RNF168: variants seen among roughly 807,000 people sequenced by gnomAD.
RNF168 encodes E3 ubiquitin-protein ligase RNF168.
Under a neutral mutation model 34.9 loss-of-function variants are expected in RNF168, and 34 were observed. That is an observed-to-expected ratio of 0.97 (90% confidence interval 0.74 to 1.30). RNF168 has a LOEUF of 1.30. RNF168 is among the 50% of genes most tolerant of loss of function. RNF168 has a pLI of 0.00. For synonymous variants in RNF168, 264 were observed against 254.7 expected (o/e 1.04, Z -0.35); for missense variants, 725 against 682.5 (o/e 1.06, Z -0.69).
In RNF168 at chr3:196,471,597, C is replaced by T. The variant is rs1732008289; in HGVS notation, c.*222G>A. On this transcript the variant is annotated 3_prime_UTR_variant, in exon 6 of 6. Transcript: ENST00000318037. ...TCTAAGAATTGTAAAGCTTAATACACATCTGTTATTAAGAAGGGAAACGAC... is the reference window on the plus strand; with the variant it reads ...TCTAAGAATTGTAAAGCTTAATACATATCTGTTATTAAGAAGGGAAACGAC... 5.5e-6 allele frequency: 3 copies of T among 547,494 alleles called. No individual in the cohort carries two copies. The highest frequency in any genetic ancestry group is 3.8e-5 in the African/African-American group (2 of 52,954). 33.9% of individuals were successfully genotyped at this position (547,494 alleles called of 1,614,324 possible). A position where few individuals can be genotyped will look rare whatever the true frequency, so the allele number is the denominator to read the frequency against.
intron 4 of RNF168, among the ~76,000 whole-genome samples, chr3:196,482,919 G>A: frequency 6.6e-6 from 1 of 151,826 alleles, no homozygotes; most frequent in East Asian, 1.9e-4. Context: ...AGTTTTTCTT[G>A]TATCTCTGGT....
Position 196,471,526 on chromosome 3 carries a change from A to C in RNF168, c.*293T>G, listed in dbSNP as rs977354085. On this transcript the variant is annotated 3_prime_UTR_variant, in exon 6 of 6. Transcript: ENST00000318037. ...TAAAACATGCAGTTTTTGGAAAGAC[A>C]ATGGCACTTGAAGATTTCCTGGAGT... The C allele has an allele frequency of 2.8e-6, 1 of 358,376 alleles. No homozygotes were observed. The highest frequency in any genetic ancestry group is 3.4e-5 in the South Asian group (1 of 29,032). 22.2% of individuals were successfully genotyped at this position (358,376 alleles called of 1,614,324 possible). A position where few individuals can be genotyped will look rare whatever the true frequency, so the allele number is the denominator to read the frequency against.
intron 1 of RNF168, among the ~76,000 whole-genome samples, chr3:196,493,152 A>C (rs936370519): frequency 6.6e-6 from 1 of 152,216 alleles, no homozygotes; most frequent in Non-Finnish European, 1.5e-5. Context: ...GAACTTCCAC[A>C]GATCAATTAA....
In RNF168 at chr3:196,470,637, G is replaced by A. The variant is rs1160158398; in HGVS notation, c.*1182C>T. Reference sequence around the variant, plus strand: ...TCCAGCCTCAGCCTCATCCTCGTCTGGACCCGTTTCTGACGACCTAATCAG... The same window carrying A: ...TCCAGCCTCAGCCTCATCCTCGTCTAGACCCGTTTCTGACGACCTAATCAG... On this transcript the variant is annotated 3_prime_UTR_variant, in exon 6 of 6. Transcript: ENST00000318037. 6.6e-6 allele frequency: 1 copy of A among 151,092 alleles called. No individual in the cohort carries two copies. Among genetic ancestry groups the A allele is most frequent in the Non-Finnish European group, 1.5e-5 (1 of 68,484 alleles). The allele number at this position is 151,092 out of a possible 1,614,324, so 9.4% of individuals were successfully genotyped here. A position where few individuals can be genotyped will look rare whatever the true frequency, so the allele number is the denominator to read the frequency against.
rs907348799 is a variant in RNF168 at position 196,503,508 on chromosome 3, G to T, written c.-335C>A. 1.0e-5 allele frequency: 4 copies of T among 383,098 alleles called. No homozygotes were observed. The highest frequency in any genetic ancestry group is 6.3e-5 in the African/African-American group (3 of 47,896). The allele number at this position is 383,098 out of a possible 1,614,324, so 23.7% of individuals were successfully genotyped here. On this transcript the variant is annotated 5_prime_UTR_variant, in exon 1 of 6. Coordinates refer to ENST00000318037, the MANE Select transcript of RNF168 (RefSeq NM_152617.4). ...GCTCCCGGGGCAGCGAGGGGAACGCGCCAAGTCCTCTCCTCCCCTCACCCG... is the reference window on the plus strand; with the variant it reads ...GCTCCCGGGGCAGCGAGGGGAACGCTCCAAGTCCTCTCCTCCCCTCACCCG...
chr3:196,498,896 G>C (rs535615064), intron 1 of RNF168, among the ~76,000 whole-genome samples: 1 of 152,136 alleles, frequency 6.6e-6, no homozygotes, highest in East Asian at 1.9e-4. Context: ...TTAGGAGGCT[G>C]AGGCAGGAGA....
rs764963260 is a variant in RNF168 at position 196,487,400 on chromosome 3, A to G, written c.557T>C (p.Ile186Thr). Residue 186 changes from isoleucine to threonine, a missense_variant and splice_region_variant, in exon 3 of 6, where the codon ATT (isoleucine) becomes ACT (threonine). Ile to Thr is a moderately conservative substitution (Grantham distance 89, BLOSUM62 -1). Transcript: ENST00000318037. ...TTAGCGTTCCCTCCTAAAACTTACA[A>G]TATCAATGCTTAGCTTTCTTGCCAG... ...EELARKLSID[I>T]NNFCEGSISA... 24 of 1,613,474 alleles carry G rather than the reference A, an allele frequency of 1.5e-5. No homozygotes were observed. Among genetic ancestry groups the G allele is most frequent in the South Asian group, 1.4e-4 (13 of 91,078 alleles).
At chr3:196,494,229 T>A (rs1732681727) in intron 1 of RNF168, among the ~76,000 whole-genome samples, 1 of 152,172 alleles carries the variant, frequency 6.6e-6, no homozygotes, top group African/African-American at 2.4e-5. Flanking sequence ...ACTATACAAT[T>A]TTTGCCATCT....
At chr3:196,488,220 A>G (rs1209587014) in intron 2 of RNF168, among the ~76,000 whole-genome samples, 2 of 152,110 alleles carry the variant, frequency 1.3e-5, no homozygotes, top group East Asian at 1.9e-4. Flanking sequence ...AGTGGCTCAC[A>G]CCTATAATCC....
chr3:196,478,422 G>A, intron 4 of RNF168, among the ~76,000 whole-genome samples: 1 of 152,122 alleles, frequency 6.6e-6, no homozygotes, highest in African/African-American at 2.4e-5. Context: ...GGCTGTCTCT[G>A]CCCCTCATTT....
In RNF168 at chr3:196,503,103, A is replaced by C. The variant is rs747089332; in HGVS notation, c.71T>G (p.Val24Gly). The C allele has an allele frequency of 1.9e-6, 3 of 1,614,198 alleles. No homozygotes were observed. In the East Asian group the frequency reaches 6.7e-5, roughly 36 times the overall value. Residue 24 changes from valine to glycine, a missense_variant, in exon 1 of 6, where the codon GTG (valine) becomes GGG (glycine). Transcript: ENST00000318037. ...GTTACACGGGAGGGTGACGGGCTCC[A>C]CGAGGATTTCCATGCAGATCCCGCA... ...CQCGICMEIL[V>G]EPVTLPCNHT...
At position 196,502,820 on chromosome 3, in the gene RNF168, C is replaced by T; in HGVS notation, c.301+53G>A. 3 of 1,470,132 alleles carry T rather than the reference C, an allele frequency of 2.0e-6. No individual in the cohort carries two copies. The East Asian group carries it at 6.8e-5, about 33-fold the overall frequency. 91.1% of individuals were successfully genotyped at this position (1,470,132 alleles called of 1,614,324 possible). On this transcript the variant is annotated intron_variant, in intron 1 of 5. Transcript: ENST00000318037. ...TTTTAAATGGAAAAGTGATGATTCACCTTTTCAAAGACTTGCGGCTTTTGG... is the reference window on the plus strand; with the variant it reads ...TTTTAAATGGAAAAGTGATGATTCATCTTTTCAAAGACTTGCGGCTTTTGG...
chr3:196,483,720 C>T, intron 4 of RNF168, 50 bp downstream of exon 4: 1 of 1,521,386 alleles, frequency 6.6e-7, no homozygotes, highest in Non-Finnish European at 9.1e-7. Flanking sequence ...ACAGAAAACA[C>T]TGGCATACAG....
intron 1 of RNF168, among the ~76,000 whole-genome samples, chr3:196,494,251 C>G (rs1039305899): frequency 6.6e-6 from 1 of 152,170 alleles, no homozygotes; most frequent in East Asian, 1.9e-4. Context: ...TTGGAAACAA[C>G]TCTCGACACT....
intron 1 of RNF168, among the ~76,000 whole-genome samples, chr3:196,493,860 T>A (rs1479819336): frequency 2.0e-5 from 3 of 151,282 alleles, no homozygotes; most frequent in Middle Eastern, 3.4e-3. Flanking sequence ...AATTTATTTT[T>A]TTTTTTTTTT....
chr3:196,492,416 A>G (rs979611713), intron 1 of RNF168, among the ~76,000 whole-genome samples: 20 of 150,218 alleles, frequency 1.3e-4, no homozygotes, highest in Non-Finnish European at 2.1e-4. Context: ...AAAACATATC[A>G]TTAAGCAGAA....
intron 1 of RNF168, among the ~76,000 whole-genome samples, chr3:196,500,117 T>TAGA (rs1338840953): frequency 1.3e-5 from 2 of 152,084 alleles, no homozygotes; most frequent in Non-Finnish European, 2.9e-5. Context: ...CAATCACACA[T>TAGA]AGAATTACCA....
At chr3:196,494,349 C>T (rs1339944251) in intron 1 of RNF168, among the ~76,000 whole-genome samples, 1 of 152,182 alleles carries the variant, frequency 6.6e-6, no homozygotes, top group African/African-American at 2.4e-5. Flanking sequence ...TTCTTCGCAG[C>T]AAGTGGTCTT....
intron 1 of RNF168, among the ~76,000 whole-genome samples, chr3:196,496,351 A>G (rs1296399189): frequency 6.6e-6 from 1 of 152,158 alleles, no homozygotes; most frequent in Non-Finnish European, 1.5e-5. Context: ...CAGTATGCTG[A>G]TAACCTTAGA....
Sources: gnomAD v4.1 joint callset for allele counts (sites outside exome capture counted in the v4.1 genomes callset) on GRCh38, gnomAD v4.1.1 for gene constraint, MANE v1.5 for transcripts, NCBI Gene and HGNC (gene_info 2026-07-23, HGNC 2026-07-21) for gene names.